CPNE8: variants seen among roughly 807,000 people sequenced by gnomAD.
The protein encoded by CPNE8 is copine 8.
CPNE8 carries 45 observed loss-of-function variants against 81.5 expected under a neutral mutation model. The ratio of observed to expected loss-of-function variants is 0.55; its 90% confidence interval spans 0.44 to 0.71. The LOEUF (loss-of-function observed/expected upper bound fraction) is 0.71, where lower values mean the gene tolerates loss of function less well. Ranked by LOEUF, CPNE8 falls within the 30% of genes least tolerant of loss-of-function variation. The pLI is 0.00. For synonymous variants in CPNE8, 252 were observed against 226.3 expected, an observed-to-expected ratio of 1.11 and a Z score of -1.02; for missense variants, 594 against 672.1, an observed-to-expected ratio of 0.88 and a Z score of 1.28.
intron 1 of CPNE8, among the ~76,000 whole-genome samples, chr12:38,905,148 T>C (rs1944549668): frequency 6.6e-6 from 1 of 152,092 alleles, no homozygotes; most frequent in African/African-American, 2.4e-5. Context: ...AACCGGCTTG[T>C]AAAGTGGGCG....
At chr12:38,688,590 GA>G (rs1463633992) in intron 15 of CPNE8, among the ~76,000 whole-genome samples, 2 of 124,948 alleles carry the variant, frequency 1.6e-5, no homozygotes, top group Non-Finnish European at 3.3e-5. Flanking sequence ...AGTGGATAAA[GA>G]AAATGTGGTG....
chr12:38,852,251 AAC>A (rs1174695472), intron 3 of CPNE8, among the ~76,000 whole-genome samples: 2 of 152,020 alleles, frequency 1.3e-5, no homozygotes, highest in Non-Finnish European at 2.9e-5. Flanking sequence ...AACATGGAGA[AAC>A]CCCGTCTCTA....
Position 38,848,484 on chromosome 12 carries a change from T to C in CPNE8, c.290+75A>G, listed in dbSNP as rs1373464249. 3.4e-6 allele frequency: 5 copies of C among 1,464,042 alleles called. No individual in the cohort carries two copies. In the South Asian group the frequency reaches 5.8e-5, roughly 17 times the overall value. The allele number at this position is 1,464,042 out of a possible 1,614,324, so 90.7% of individuals were successfully genotyped here. On this transcript the variant is annotated intron_variant, in intron 4 of 19. Transcript: ENST00000331366. ...TATAATCTAGAACTCAGTGCAACCA[T>C]AGGACCCTGCCTTACATTAGTAATA...
chr12:38,864,730 C>A (rs573685838), intron 3 of CPNE8, among the ~76,000 whole-genome samples: 3 of 152,220 alleles, frequency 2.0e-5, no homozygotes, highest in Non-Finnish European at 2.9e-5. Flanking sequence ...TGAAAGGTAA[C>A]ACAATAAAAC....
chr12:38,714,418 A>C (rs1940337988), intron 13 of CPNE8, among the ~76,000 whole-genome samples: 1 of 152,044 alleles, frequency 6.6e-6, no homozygotes, highest in African/African-American at 2.4e-5. Context: ...TTAATAAGTA[A>C]AGACAAATAA....
chr12:38,809,229 C>G (rs780237473), intron 6 of CPNE8, among the ~76,000 whole-genome samples: 2 of 152,172 alleles, frequency 1.3e-5, no homozygotes, highest in Non-Finnish European at 2.9e-5. Flanking sequence ...ATGCTGAAAT[C>G]AAGGTGTCGG....
intron 4 of CPNE8, among the ~76,000 whole-genome samples, chr12:38,843,874 G>T (rs185577576): frequency 6.6e-6 from 1 of 152,182 alleles, no homozygotes; most frequent in African/African-American, 2.4e-5. Flanking sequence ...CAGCTGAAGG[G>T]AGTGCAAGGG....
intron 13 of CPNE8, among the ~76,000 whole-genome samples, chr12:38,722,701 C>G (rs1940595522): frequency 6.6e-6 from 1 of 152,178 alleles, no homozygotes; most frequent in African/African-American, 2.4e-5. Context: ...AATGTGTAGA[C>G]ATTTTATACT....
At chr12:38,841,981 C>T (rs1045093646) in intron 4 of CPNE8, among the ~76,000 whole-genome samples, 1 of 151,422 alleles carries the variant, frequency 6.6e-6, no homozygotes, top group African/African-American at 2.4e-5. Context: ...GACCTGTTTA[C>T]CTACATAAAT....
At chr12:38,797,147 A>G (rs574800389) in intron 6 of CPNE8, among the ~76,000 whole-genome samples, 1 of 152,276 alleles carries the variant, frequency 6.6e-6, no homozygotes. Context: ...GACAGCAGTA[A>G]CCTCTGCAGA....
intron 6 of CPNE8, among the ~76,000 whole-genome samples, chr12:38,786,926 C>T (rs567698807): frequency 5.3e-5 from 8 of 152,144 alleles, no homozygotes; most frequent in Non-Finnish European, 1.0e-4. Flanking sequence ...AATACATATG[C>T]GCCCAACACT....
chr12:38,686,720 G>C (rs1044614263), intron 15 of CPNE8, among the ~76,000 whole-genome samples: 2 of 152,162 alleles, frequency 1.3e-5, no homozygotes, highest in African/African-American at 4.8e-5. Context: ...GTGGACAGAA[G>C]GATCTATTTC....
intron 5 of CPNE8, among the ~76,000 whole-genome samples, chr12:38,833,880 T>C (rs935119670): frequency 6.6e-6 from 1 of 152,094 alleles, no homozygotes; most frequent in African/African-American, 2.4e-5. Flanking sequence ...ACCTGAATCA[T>C]GTGAGGGAGG....
At position 38,811,603 on chromosome 12, in the gene CPNE8, CCAGCACTTT is replaced by C. The variant is rs540615866; in HGVS notation, c.407+17767_407+17775del. Among the ~76,000 whole-genome samples the C allele has an allele frequency of 1.2e-3, 185 of 152,236 alleles. 1 individual carries two copies. Among genetic ancestry groups the C allele is most frequent in the African/African-American group, 4.1e-3 (172 of 41,544 alleles). On this transcript the variant is annotated intron_variant, in intron 6 of 19. Coordinates refer to ENST00000331366, the MANE Select transcript of CPNE8 (RefSeq NM_153634.3). Reference sequence around the variant, plus strand: ...GGCATGGTGGCTCACATTTGAAGTCCCAGCACTTTCAGAGGCTGAGACAGGAGGATCACT... The same window carrying C: ...GGCATGGTGGCTCACATTTGAAGTCCCAGAGGCTGAGACAGGAGGATCACT...
chr12:38,738,229 T>G (rs2136784782), intron 10 of CPNE8, among the ~76,000 whole-genome samples: 1 of 152,266 alleles, frequency 6.6e-6, no homozygotes, highest in South Asian at 2.1e-4. Flanking sequence ...GCTATTGAAA[T>G]TCTTTCAAAC....
intron 6 of CPNE8, among the ~76,000 whole-genome samples, chr12:38,796,312 C>T (rs1377104611): frequency 1.0e-4 from 15 of 150,052 alleles, no homozygotes; most frequent in Non-Finnish European, 1.5e-5. Flanking sequence ...AAAAAAAAAT[C>T]TTGAACTCAA....
chr12:38,703,643 G>T (rs1400098860), intron 13 of CPNE8, among the ~76,000 whole-genome samples: 2 of 152,050 alleles, frequency 1.3e-5, no homozygotes, highest in African/African-American at 4.8e-5. Flanking sequence ...ATCCAAATGG[G>T]AAAATAAGTC....
At chr12:38,758,538 T>G (rs1941510242) in intron 10 of CPNE8, among the ~76,000 whole-genome samples, 1 of 152,160 alleles carries the variant, frequency 6.6e-6, no homozygotes, top group Non-Finnish European at 1.5e-5. Context: ...GAATATACTA[T>G]TGGAAGTGAA....
intron 1 of CPNE8, among the ~76,000 whole-genome samples, chr12:38,903,627 G>A (rs1011338509): frequency 6.6e-6 from 1 of 152,194 alleles, no homozygotes; most frequent in Non-Finnish European, 1.5e-5. Context: ...TCCAAGTATA[G>A]GCCACATGCC....
Sources: allele counts gnomAD v4.1 joint callset (sites outside exome capture counted in the v4.1 genomes callset), GRCh38; gene constraint gnomAD v4.1.1; transcripts MANE v1.5; gene names NCBI Gene and HGNC (gene_info 2026-07-23, HGNC 2026-07-21).